Variants in FMN1 observed in about 807,000 individuals in gnomAD.
The protein encoded by FMN1 is formin 1.
Under a neutral mutation model 132.4 loss-of-function variants are expected in FMN1, and 110 were observed. The observed-to-expected ratio is 0.83, with a 90% confidence interval of 0.71 to 0.97. The LOEUF (loss-of-function observed/expected upper bound fraction) is 0.97, where lower values mean the gene tolerates loss of function less well. Ranked by LOEUF, FMN1 falls within the 50% of genes least tolerant of loss-of-function variation. The pLI, the probability that FMN1 is intolerant of heterozygous loss-of-function variation, is 0.00. For synonymous variants in FMN1, 722 were observed against 651.7 expected (o/e 1.11, Z -1.64); for missense variants, 1,792 against 1,705.3 (o/e 1.05, Z -0.90).
chr15:32,880,892 T>C (rs180856804), intron 16 of FMN1, among the ~76,000 whole-genome samples: 33 of 152,306 alleles, frequency 2.2e-4, no homozygotes, highest in African/African-American at 7.5e-4. Context: ...GTTCTAGTAA[T>C]AGTATAAATC....
intron 4 of FMN1, among the ~76,000 whole-genome samples, chr15:33,120,637 G>C (rs1187700965): frequency 2.0e-5 from 3 of 151,642 alleles, no homozygotes; most frequent in Non-Finnish European, 4.4e-5. Flanking sequence ...TTGTCTTTTC[G>C]TGTTCTGGTA....
intron 4 of FMN1, among the ~76,000 whole-genome samples, chr15:33,116,780 C>A (rs973404683): frequency 6.6e-6 from 1 of 151,520 alleles, no homozygotes; most frequent in South Asian, 2.1e-4. Context: ...GAGAAATAGT[C>A]GACAAAGTAT....
chr15:33,172,847 A>T (rs1965380685), intron 3 of FMN1, among the ~76,000 whole-genome samples: 1 of 152,220 alleles, frequency 6.6e-6, no homozygotes, highest in Non-Finnish European at 1.5e-5. Flanking sequence ...AAAAGAAAAG[A>T]GAAAGCACAG....
intron 4 of FMN1, 101 bp from the exon 5 acceptor site, chr15:33,089,075 CTCT>C: frequency 1.1e-6 from 1 of 922,752 alleles, no homozygotes; most frequent in South Asian, 2.0e-5. Context: ...TCTATGCTAG[CTCT>C]TACTTTGCTT....
intron 15 of FMN1, among the ~76,000 whole-genome samples, chr15:32,893,318 ATC>A (rs1253923588): frequency 2.6e-5 from 4 of 152,272 alleles, no homozygotes; most frequent in Non-Finnish European, 5.9e-5. Context: ...CAGGCATAGT[ATC>A]TCTTTCCATT....
intron 15 of FMN1, among the ~76,000 whole-genome samples, chr15:32,897,968 G>C (rs1160251469): frequency 6.6e-6 from 1 of 152,190 alleles, no homozygotes. Context: ...ACAGAAATCA[G>C]GGAAAAGTTT....
rs1227773037 is a variant in FMN1, at chr15:33,153,735, T to C, written c.1180A>G (p.Arg394Gly). The change falls in exon 4 of 21, where the codon AGG (arginine) becomes GGG (glycine). Residue 394 changes from arginine (R) to glycine (G), a missense_variant. Physicochemically the swap from Arg to Gly is moderately radical, Grantham distance 125 (BLOSUM62 -2). Transcript: ENST00000616417. ...RRQGKERQGD[R>G]SSQSPAGETA... Reference sequence around the variant, plus strand: ...TCCCCGGCTGGCGACTGCGATGACCTATCCCCTTGCCGCTCCTTGCCCTGC... The same window carrying C: ...TCCCCGGCTGGCGACTGCGATGACCCATCCCCTTGCCGCTCCTTGCCCTGC... 57 of 1,536,120 alleles carry C rather than the reference T, an allele frequency of 3.7e-5. No homozygotes were observed. The highest frequency in any genetic ancestry group is 4.9e-5 in the Non-Finnish European group (56 of 1,146,936).
At chr15:33,088,011 A>C (rs190520953) in intron 5 of FMN1, among the ~76,000 whole-genome samples, 459 of 152,266 alleles carry the variant, frequency 3.0e-3, no homozygotes, top group Middle Eastern at 0.01. Context: ...CTAAGCTATG[A>C]GGACGCAAAG....
intron 6 of FMN1, among the ~76,000 whole-genome samples, chr15:33,032,419 G>C (rs981288830): frequency 6.6e-6 from 1 of 152,100 alleles, no homozygotes; most frequent in Non-Finnish European, 1.5e-5. Context: ...CATTAATCTT[G>C]TAATACTCCA....
At chr15:33,020,092 A>T (rs2035334823) in intron 6 of FMN1, among the ~76,000 whole-genome samples, 1 of 152,190 alleles carries the variant, frequency 6.6e-6, no homozygotes, top group Non-Finnish European at 1.5e-5. Context: ...CCAGCAAAGT[A>T]ACCAAATCTA....
intron 6 of FMN1, chr15:33,063,128 A>G (rs1171520391): frequency 6.6e-6 from 1 of 152,174 alleles, no homozygotes; most frequent in African/African-American, 2.4e-5. Context: ...TGTGCAGGGG[A>G]TCTTCTACGT....
At chr15:33,055,379 C>T (rs2037170339) in intron 6 of FMN1, among the ~76,000 whole-genome samples, 1 of 152,172 alleles carries the variant, frequency 6.6e-6, no homozygotes, top group Admixed American at 6.5e-5. Context: ...TAATGTATTA[C>T]ATCTCCCTCA....
At chr15:33,186,461 A>AAC (rs1321284981) in intron 2 of FMN1, among the ~76,000 whole-genome samples, 1 of 151,932 alleles carries the variant, frequency 6.6e-6, no homozygotes, top group Non-Finnish European at 1.5e-5. Context: ...CCTGCTACAA[A>AAC]ACAGTGCTGA....
At position 33,066,579 on chromosome 15, in the gene FMN1, C is replaced by G. The variant is rs955154800; in HGVS notation, c.2044-1505G>C. ...CGTTCAAACACAGCTCTTAGCGACTCCTTCTCATGTCTCATCTTGCGCTTG... is the reference window on the plus strand; with the variant it reads ...CGTTCAAACACAGCTCTTAGCGACTGCTTCTCATGTCTCATCTTGCGCTTG... On this transcript the variant is annotated intron_variant, in intron 5 of 20. Transcript: ENST00000616417. The G allele has an allele frequency of 2.4e-5, 38 of 1,611,644 alleles. No individual in the cohort carries two copies. The highest frequency in any genetic ancestry group is 3.1e-5 in the Non-Finnish European group (37 of 1,179,212).
At chr15:32,912,964 T>A (rs1419184205) in intron 10 of FMN1, among the ~76,000 whole-genome samples, 1 of 152,204 alleles carries the variant, frequency 6.6e-6, no homozygotes, top group African/African-American at 2.4e-5. Context: ...TTCAAATATA[T>A]ACATTGTAAA....
At chr15:33,114,157 A>T (rs1398488738) in intron 4 of FMN1, among the ~76,000 whole-genome samples, 4 of 152,206 alleles carry the variant, frequency 2.6e-5, no homozygotes, top group Non-Finnish European at 5.9e-5. Context: ...CACTACTGCT[A>T]GTGCCTGCCC....
At chr15:33,051,529 G>A (rs1256956780) in intron 6 of FMN1, among the ~76,000 whole-genome samples, 1 of 152,076 alleles carries the variant, frequency 6.6e-6, no homozygotes. Flanking sequence ...TGGTGCCAGA[G>A]AAAGGCAGTC....
intron 6 of FMN1, among the ~76,000 whole-genome samples, chr15:33,047,082 T>C (rs2036721735): frequency 6.6e-6 from 1 of 152,208 alleles, no homozygotes; most frequent in African/African-American, 2.4e-5. Context: ...CACATGGCAG[T>C]ATTTTCTTTT....
At chr15:32,951,021 C>A (rs901472675) in intron 9 of FMN1, among the ~76,000 whole-genome samples, 2 of 151,428 alleles carry the variant, frequency 1.3e-5, no homozygotes, top group Admixed American at 6.6e-5. Context: ...TTTTTAAATT[C>A]TATTCATGCA....
Sources: allele counts gnomAD v4.1 joint callset (sites outside exome capture counted in the v4.1 genomes callset), GRCh38; gene constraint gnomAD v4.1.1; transcripts MANE v1.5; gene names NCBI Gene and HGNC (gene_info 2026-07-23, HGNC 2026-07-21).